Variants in PIBF1 observed in about 807,000 individuals in gnomAD.
PIBF1 encodes progesterone-induced-blocking factor 1.
Under a neutral mutation model 112.5 loss-of-function variants are expected in PIBF1, and 90 were observed. That is an observed-to-expected ratio of 0.80 (90% CI 0.67 to 0.95). PIBF1 has a LOEUF of 0.95. Ranked by LOEUF, PIBF1 falls within the 40% of genes least tolerant of loss-of-function variation. PIBF1 has a pLI of 0.00. For missense variants in PIBF1, 915 were observed against 852.3 expected, an observed-to-expected ratio of 1.07 and a Z score of -0.92; for synonymous variants, 301 against 288.6, an observed-to-expected ratio of 1.04 and a Z score of -0.44.
chr13:72,918,224 T>A (rs941037653), intron 13 of PIBF1, among the ~76,000 whole-genome samples: 1 of 152,090 alleles, frequency 6.6e-6, no homozygotes, highest in African/African-American at 2.4e-5. Flanking sequence ...CTTATTTGCC[T>A]CTCTACCCAA....
intron 2 of PIBF1, among the ~76,000 whole-genome samples, chr13:72,789,023 G>A (rs1285309117): frequency 6.6e-6 from 1 of 152,144 alleles, no homozygotes; most frequent in African/African-American, 2.4e-5. Context: ...CCACTCAGCT[G>A]CTTGTTAACT....
At chr13:72,833,530 G>A (rs2037215514) in intron 8 of PIBF1, among the ~76,000 whole-genome samples, 1 of 152,192 alleles carries the variant, frequency 6.6e-6, no homozygotes, top group South Asian at 2.1e-4. Context: ...GCTGGAGTTT[G>A]CTGGAGGTCC....
At position 72,996,803 on chromosome 13, in the gene PIBF1, C is replaced by G. The variant is rs555691969; in HGVS notation, c.2050-2019C>G. Among the ~76,000 whole-genome samples, 6 of 151,846 alleles carry G rather than the reference C, an allele frequency of 4.0e-5. No individual in the cohort carries two copies. The East Asian group carries it at 1.2e-3, about 29-fold the overall frequency. On this transcript the variant is annotated intron_variant, in intron 16 of 17. Coordinates refer to ENST00000326291, the MANE Select transcript of PIBF1 (RefSeq NM_006346.4). ...AAATTGAAGTGGAATTTTCTTGGTTCAAATTTACCATCGATATAAGTTGGA... is the reference window on the plus strand; with the variant it reads ...AAATTGAAGTGGAATTTTCTTGGTTGAAATTTACCATCGATATAAGTTGGA...
At chr13:72,998,509 C>T (rs890302692) in intron 16 of PIBF1, among the ~76,000 whole-genome samples, 2 of 151,926 alleles carry the variant, frequency 1.3e-5, no homozygotes, top group African/African-American at 4.8e-5. Context: ...GGCCACACCA[C>T]ATCAATTATC....
chr13:72,864,703 T>C (rs1432797311), intron 10 of PIBF1, among the ~76,000 whole-genome samples: 1 of 152,120 alleles, frequency 6.6e-6, no homozygotes, highest in Non-Finnish European at 1.5e-5. Context: ...CTAAATCAAC[T>C]CATAAAAACT....
intron 16 of PIBF1, among the ~76,000 whole-genome samples, chr13:72,998,379 G>A (rs888139507): frequency 6.6e-6 from 1 of 152,086 alleles, no homozygotes; most frequent in Non-Finnish European, 1.5e-5. Flanking sequence ...AGGCACTGAG[G>A]CAGGAGGATG....
At chr13:72,950,373 A>G (rs2042264081) in intron 14 of PIBF1, among the ~76,000 whole-genome samples, 1 of 152,144 alleles carries the variant, frequency 6.6e-6, no homozygotes, top group East Asian at 1.9e-4. Context: ...CTTATTTTGA[A>G]CTTTGTTGAC....
In PIBF1 at chr13:72,944,277, T is replaced by C. The variant is rs1331848850; in HGVS notation, c.1833+13010T>C. 2.6e-5 allele frequency among the ~76,000 whole-genome samples: 4 copies of C among 151,958 alleles called. No homozygotes were observed. In the East Asian group the frequency reaches 7.8e-4, roughly 30 times the overall value. On this transcript the variant is annotated intron_variant, in intron 14 of 17. Transcript: ENST00000326291. The stretch of plus-strand genomic sequence containing the variant: ...GCCTGGCCAACATGGTGAAACCCTG[T>C]CTCTACTGAAAATACAAAAATTAGC...
chr13:72,917,124 G>A lies in PIBF1; in HGVS notation c.1688G>A (p.Gly563Asp), dbSNP rs756711476. The stretch of plus-strand genomic sequence containing the variant: ...AGGGTTCTTTTTTCCTACGGCTATG[G>A]TGCTAATGTTCCCACAACAGCCAAA... ...AERVLFSYGY[G>D]ANVPTTAKRR... is the part of the protein sequence containing the mutation. Residue 563 changes from glycine (G) to aspartate (D), a missense_variant, in exon 13 of 18, where the codon GGT becomes GAT. Transcript: ENST00000326291. The A allele has an allele frequency of 3.1e-6, 5 of 1,597,348 alleles. No homozygotes were observed. In the East Asian group the frequency reaches 6.8e-5, roughly 22 times the overall value.
At chr13:73,010,568 A>C (rs2044165479) in intron 17 of PIBF1, among the ~76,000 whole-genome samples, 1 of 151,904 alleles carries the variant, frequency 6.6e-6, no homozygotes. Flanking sequence ...GCGTGACTGC[A>C]CTCCAGCCTG....
At chr13:72,875,843 C>T (rs556989283) in intron 10 of PIBF1, among the ~76,000 whole-genome samples, 1 of 152,226 alleles carries the variant, frequency 6.6e-6, no homozygotes, top group South Asian at 2.1e-4. Context: ...AACAACCCTT[C>T]GTGAGATAAG....
At chr13:73,009,830 A>G (rs1315781591) in intron 17 of PIBF1, among the ~76,000 whole-genome samples, 1 of 152,222 alleles carries the variant, frequency 6.6e-6, no homozygotes, top group African/African-American at 2.4e-5. Flanking sequence ...AGGAGAAAAC[A>G]TATTAGGGGT....
chr13:72,927,996 C>CACACAT (rs2041564523), intron 13 of PIBF1, among the ~76,000 whole-genome samples: 14 of 76,126 alleles, frequency 1.8e-4, no homozygotes, highest in African/African-American at 4.2e-4. Flanking sequence ...TATACACACA[C>CACACAT]ATATATATAC....
rs534502967 is a variant in PIBF1, at chr13:72,798,157, C to T, written c.672+131C>T. The T allele has an allele frequency of 2.7e-4, 232 of 850,862 alleles. 7 individuals carry two copies. In the South Asian group the frequency reaches 6.0e-3, roughly 22 times the overall value. The allele number at this position is 850,862 out of a possible 1,614,324, so 52.7% of individuals were successfully genotyped here. A position where few individuals can be genotyped will look rare whatever the true frequency, so the allele number is the denominator to read the frequency against. ...CTATGGGATGGTGACTGCTACAGTT[C>T]AATAATGGGAAGGAGGTTAAATTGG... On this transcript the variant is annotated intron_variant, in intron 5 of 17. Transcript: ENST00000326291.
chr13:72,799,068 T>A (rs1251877681), intron 5 of PIBF1, among the ~76,000 whole-genome samples: 1 of 152,198 alleles, frequency 6.6e-6, no homozygotes, highest in African/African-American at 2.4e-5. Context: ...CAGGTTAGGA[T>A]TAGAACGTTA....
chr13:72,930,698 C>A (rs1332691077), intron 13 of PIBF1, among the ~76,000 whole-genome samples: 1 of 152,130 alleles, frequency 6.6e-6, no homozygotes, highest in African/African-American at 2.4e-5. Flanking sequence ...TTAAAAACCT[C>A]ATTTTTGTTT....
At chr13:72,855,425 G>C (rs1327759189) in intron 10 of PIBF1, among the ~76,000 whole-genome samples, 1 of 152,080 alleles carries the variant, frequency 6.6e-6, no homozygotes, top group African/African-American at 2.4e-5. Context: ...GAGGCAGGTG[G>C]ATAACTTGAG....
intron 14 of PIBF1, among the ~76,000 whole-genome samples, chr13:72,943,821 T>G (rs2042076132): frequency 6.6e-6 from 1 of 152,350 alleles, no homozygotes; most frequent in East Asian, 1.9e-4. Context: ...CCAAGAACTT[T>G]CAAGTTAGGC....
At chr13:72,801,749 A>C (rs900094600) in intron 5 of PIBF1, among the ~76,000 whole-genome samples, 5 of 152,212 alleles carry the variant, frequency 3.3e-5, no homozygotes, top group African/African-American at 9.6e-5. Flanking sequence ...GATTTCTCGC[A>C]GTTCTGGCAT....
Sources: allele counts gnomAD v4.1 joint callset (sites outside exome capture counted in the v4.1 genomes callset), GRCh38; gene constraint gnomAD v4.1.1; transcripts MANE v1.5; gene names NCBI Gene and HGNC (gene_info 2026-07-23, HGNC 2026-07-21).